INPP4A: variants seen among roughly 807,000 people sequenced by gnomAD.
INPP4A encodes inositol polyphosphate-4-phosphatase type I A.
INPP4A carries 33 observed loss-of-function variants against 119.8 expected under a neutral mutation model. That is an observed-to-expected ratio of 0.28 (90% CI 0.21 to 0.37). INPP4A has a LOEUF of 0.37. Ranked by LOEUF, INPP4A falls within the 10% of genes least tolerant of loss-of-function variation. INPP4A has a pLI of 1.00. For synonymous variants in INPP4A, 496 were observed against 500.7 expected (o/e 0.99, Z 0.12); for missense variants, 956 against 1,289.9 (o/e 0.74, Z 3.97).
At chr2:98,518,179 A>G (rs1447618037) in intron 1 of INPP4A, among the ~76,000 whole-genome samples, 1 of 152,194 alleles carries the variant, frequency 6.6e-6, no homozygotes, top group Non-Finnish European at 1.5e-5. Flanking sequence ...CACATTGCAC[A>G]TTGCTTCACT....
chr2:98,579,598 G>A (rs773913566), intron 24 of INPP4A, among the ~76,000 whole-genome samples: 69 of 152,334 alleles, frequency 4.5e-4, no homozygotes, highest in Admixed American at 3.3e-4. Flanking sequence ...TGCCCATGCC[G>A]GGCGCTGTCT....
At chr2:98,445,627 A>T (rs1694057458) in intron 1 of INPP4A, among the ~76,000 whole-genome samples, 1 of 152,162 alleles carries the variant, frequency 6.6e-6, no homozygotes, top group Non-Finnish European at 1.5e-5. Context: ...ATGTGCAGGG[A>T]TCTGTGGCTG....
chr2:98,446,954 A>T (rs1258582877), intron 1 of INPP4A, among the ~76,000 whole-genome samples: 1 of 152,206 alleles, frequency 6.6e-6, no homozygotes, highest in Admixed American at 6.5e-5. Flanking sequence ...ATGACAGAGA[A>T]CTATCAGCCC....
chr2:98,552,717 G>T, intron 13 of INPP4A, 69 bp from the exon 14 acceptor site: 1 of 1,263,698 alleles, frequency 7.9e-7, no homozygotes, highest in Non-Finnish European at 1.2e-6. Flanking sequence ...TGTGGCTGGG[G>T]TTGGAATGAT....
chr2:98,559,539 T>G (rs749518488), intron 17 of INPP4A, 44 bp downstream of exon 17: 4 of 1,591,852 alleles, frequency 2.5e-6, no homozygotes, highest in African/African-American at 2.7e-5. Context: ...CCCTTTTAAT[T>G]GATACTCAGG....
At chr2:98,560,708 G>A (rs1695321595) in intron 17 of INPP4A, among the ~76,000 whole-genome samples, 1 of 152,216 alleles carries the variant, frequency 6.6e-6, no homozygotes, top group Admixed American at 6.5e-5. Flanking sequence ...GCAGGCCAGT[G>A]CCTTCGGACT....
At chr2:98,573,442 T>G (rs1325779944) in intron 23 of INPP4A, among the ~76,000 whole-genome samples, 1 of 152,184 alleles carries the variant, frequency 6.6e-6, no homozygotes, top group Admixed American at 6.5e-5. Flanking sequence ...CATTCACCCT[T>G]GATGAGGGGC....
At chr2:98,483,733 T>G (rs3729568) in intron 1 of INPP4A, among the ~76,000 whole-genome samples, 46,932 of 151,984 alleles carry the variant, frequency 0.31, 7,603 homozygotes, top group African/African-American at 0.4. Context: ...TCTCTTCCTG[T>G]CCCTACCCCA....
rs542372453 is a variant in INPP4A, at chr2:98,485,621, T to C, written c.-165-33343T>C. Among the ~76,000 whole-genome samples, 4 of 152,306 alleles carry C rather than the reference T, an allele frequency of 2.6e-5. No individual in the cohort carries two copies. The South Asian group carries it at 8.3e-4, about 32-fold the overall frequency. On this transcript the variant is annotated intron_variant, in intron 1 of 24. Coordinates refer to ENST00000409851, the MANE Select transcript of INPP4A (RefSeq NM_001134225.2). ...AACACTAATGCAACTCTTCTGGTGG[T>C]GAGAACCCAGCTGAGAGTTCCTTTA...
At chr2:98,467,918 G>C (rs546584013) in intron 1 of INPP4A, among the ~76,000 whole-genome samples, 1 of 152,234 alleles carries the variant, frequency 6.6e-6, no homozygotes, top group East Asian at 1.9e-4. Context: ...TACCAACTTA[G>C]TGGTAATTTT....
chr2:98,509,606 GAAGA>G (rs1241550214), intron 1 of INPP4A, among the ~76,000 whole-genome samples: 2 of 152,184 alleles, frequency 1.3e-5, no homozygotes, highest in Admixed American at 1.3e-4. Context: ...TGGAGGTGCT[GAAGA>G]AAGAGTGGCT....
chr2:98,517,015 A>T (rs1016253194), intron 1 of INPP4A, among the ~76,000 whole-genome samples: 4 of 152,078 alleles, frequency 2.6e-5, no homozygotes, highest in Non-Finnish European at 4.4e-5. Flanking sequence ...TGTACAGCTC[A>T]GTGAATTTCA....
chr2:98,447,289 C>T (rs1694355680), intron 1 of INPP4A, among the ~76,000 whole-genome samples: 1 of 152,054 alleles, frequency 6.6e-6, no homozygotes, highest in Admixed American at 6.6e-5. Flanking sequence ...AAATCTGCAG[C>T]GAAAAAGGCT....
chr2:98,573,629 C>T (rs945362629), intron 23 of INPP4A, among the ~76,000 whole-genome samples: 2 of 152,184 alleles, frequency 1.3e-5, no homozygotes, highest in Admixed American at 6.5e-5. Context: ...TCACAGAGCT[C>T]GAGCAGCAGA....
intron 16 of INPP4A, chr2:98,556,150 C>T: frequency 3.5e-6 from 1 of 287,498 alleles, no homozygotes; most frequent in Non-Finnish European, 6.5e-6. Flanking sequence ...GATGCAGATG[C>T]CTTTCTGATG....
intron 1 of INPP4A, among the ~76,000 whole-genome samples, chr2:98,493,426 ATTTTTT>A (rs371958433): frequency 2.7e-4 from 33 of 123,110 alleles, no homozygotes; most frequent in Admixed American, 4.3e-4. Context: ...TTCTATTTCT[ATTTTTT>A]TTTTTTTTTT....
At chr2:98,529,045 C>G (rs1688694174) in intron 4 of INPP4A, among the ~76,000 whole-genome samples, 1 of 148,734 alleles carries the variant, frequency 6.7e-6, no homozygotes, top group Non-Finnish European at 1.5e-5. Flanking sequence ...CACCACTGCA[C>G]TCCAGCCTGG....
intron 1 of INPP4A, among the ~76,000 whole-genome samples, chr2:98,468,245 T>A (rs11888595): frequency 3.9e-5 from 6 of 152,018 alleles, no homozygotes; most frequent in Non-Finnish European, 8.8e-5. Flanking sequence ...ATTGATTGAT[T>A]GATTGATTGA....
chr2:98,586,531 T>C (rs773411812), intron 24 of INPP4A, among the ~76,000 whole-genome samples: 34 of 152,152 alleles, frequency 2.2e-4, no homozygotes, highest in Admixed American at 6.5e-4. Context: ...GGGAAGTCAT[T>C]TATGTTTAAA....
Sources: gnomAD v4.1 joint callset for allele counts (sites outside exome capture counted in the v4.1 genomes callset) on GRCh38, gnomAD v4.1.1 for gene constraint, MANE v1.5 for transcripts, NCBI Gene and HGNC (gene_info 2026-07-23, HGNC 2026-07-21) for gene names.